The following SEMA3E variants were observed in gnomAD, a reference collection of about 807,000 sequenced individuals.
The protein encoded by SEMA3E is semaphorin-3E.
In SEMA3E, 49 loss-of-function variants were observed where a neutral mutation model predicts 93.6. That is an observed-to-expected ratio of 0.52 (90% CI 0.42 to 0.66). The LOEUF (loss-of-function observed/expected upper bound fraction) is 0.66. SEMA3E is among the 30% of genes least tolerant of loss of function. The pLI, the probability that SEMA3E is intolerant of heterozygous loss-of-function variation, is 0.00. For synonymous variants in SEMA3E, 363 were observed against 330.7 expected, an observed-to-expected ratio of 1.10 and a Z score of -1.06; for missense variants, 906 against 964.8, an observed-to-expected ratio of 0.94 and a Z score of 0.81.
In SEMA3E at chr7:83,363,918, C is replaced by T. The variant is rs1291499357; in HGVS notation, c.*3668G>A. On this transcript the variant is annotated 3_prime_UTR_variant, in exon 17 of 17. Transcript: ENST00000643230. The stretch of plus-strand genomic sequence containing the variant: ...TTTTTTTTTTTTTGAGACGGAGTCT[C>T]GCTCTGTCGCCCAGGCCGGACTGCG... 6.3e-5 allele frequency: 7 copies of T among 110,610 alleles called. No homozygotes were observed. The highest frequency in any genetic ancestry group is 6.2e-4 in the East Asian group (2 of 3,214). The allele number at this position is 110,610 out of a possible 1,614,324, so 6.9% of individuals were successfully genotyped here.
intron 16 of SEMA3E, 64 bp from the exon 17 acceptor site, chr7:83,368,102 C>T: frequency 3.6e-6 from 5 of 1,405,054 alleles, no homozygotes; most frequent in Non-Finnish European, 4.0e-6. Flanking sequence ...ATCCATCACC[C>T]TTTCCACTAC....
chr7:83,430,613 G>A (rs1383450829), intron 4 of SEMA3E, among the ~76,000 whole-genome samples: 3 of 152,152 alleles, frequency 2.0e-5, no homozygotes, highest in Non-Finnish European at 2.9e-5. Flanking sequence ...TCACTCGTAA[G>A]TGGGAGTTGA....
At chr7:83,570,035 G>A (rs1792241078) in intron 1 of SEMA3E, among the ~76,000 whole-genome samples, 1 of 152,040 alleles carries the variant, frequency 6.6e-6, no homozygotes, top group Non-Finnish European at 1.5e-5. Context: ...TTGGACAACA[G>A]TGCAATAAAA....
At chr7:83,422,366 G>A (rs1264892980) in intron 4 of SEMA3E, among the ~76,000 whole-genome samples, 1 of 152,118 alleles carries the variant, frequency 6.6e-6, no homozygotes, top group African/African-American at 2.4e-5. Context: ...CCTGCAGATG[G>A]CAGTTTGCAA....
chr7:83,427,992 T>C (rs766508048), intron 4 of SEMA3E, among the ~76,000 whole-genome samples: 4 of 152,346 alleles, frequency 2.6e-5, no homozygotes, highest in East Asian at 3.9e-4. Context: ...CAATGTGATA[T>C]GGAGAAATTT....
rs1026518615 is a variant in SEMA3E at position 83,364,894 on chromosome 7, A to G, written c.*2692T>C. ...GAAGGGTGAACTCTTAATTCCTCCA[A>G]GTCTTGTAGGTATCTAAGTATGTGC... On this transcript the variant is annotated 3_prime_UTR_variant, in exon 17 of 17. Coordinates refer to ENST00000643230, the MANE Select transcript of SEMA3E (RefSeq NM_012431.3). The G allele has an allele frequency of 1.3e-5, 2 of 152,214 alleles. No homozygotes were observed. The highest frequency in any genetic ancestry group is 4.8e-5 in the African/African-American group (2 of 41,452). The allele number at this position is 152,214 out of a possible 1,614,324, so 9.4% of individuals were successfully genotyped here.
At chr7:83,582,331 T>G (rs1792533180) in intron 1 of SEMA3E, among the ~76,000 whole-genome samples, 1 of 151,622 alleles carries the variant, frequency 6.6e-6, no homozygotes, top group Admixed American at 6.6e-5. Flanking sequence ...TAATTTTTAT[T>G]TTTAAAATAA....
chr7:83,630,907 G>A (rs908370213), intron 1 of SEMA3E, among the ~76,000 whole-genome samples: 1 of 152,072 alleles, frequency 6.6e-6, no homozygotes, highest in Non-Finnish European at 1.5e-5. Context: ...AAAGTCTTTT[G>A]TAAAATTATT....
intron 16 of SEMA3E, chr7:83,372,416 G>A: frequency 2.5e-6 from 1 of 393,352 alleles, no homozygotes; most frequent in Non-Finnish European, 4.5e-6. Flanking sequence ...CCAGCATATA[G>A]CAAGCAGTTT....
At chr7:83,389,265 T>C (rs1787944060) in intron 14 of SEMA3E, among the ~76,000 whole-genome samples, 1 of 152,106 alleles carries the variant, frequency 6.6e-6, no homozygotes, top group Non-Finnish European at 1.5e-5. Context: ...CCTCACTTTG[T>C]TGAGTATTGC....
At chr7:83,590,100 ATT>A (rs1359248205) in intron 1 of SEMA3E, among the ~76,000 whole-genome samples, 3 of 152,080 alleles carry the variant, frequency 2.0e-5, no homozygotes, top group African/African-American at 7.2e-5. Context: ...AGGAAAAACA[ATT>A]TTCTTTTGTT....
rs115606433 is a variant in SEMA3E, at chr7:83,638,700, G to A, written c.115+9728C>T. Among the ~76,000 whole-genome samples the A allele has an allele frequency of 4.8e-3, 729 of 152,168 alleles. 6 individuals are homozygous for A. The highest frequency in any genetic ancestry group is 0.015 in the African/African-American group (625 of 41,512). On this transcript the variant is annotated intron_variant, in intron 1 of 16. Coordinates refer to ENST00000643230, the MANE Select transcript of SEMA3E (RefSeq NM_012431.3). ...AACCTAGGGGATGAAGCTAAAGGAG[G>A]AATAAATGAAAAAGGTAATATGAGC...
chr7:83,563,734 G>A (rs1293525766), intron 1 of SEMA3E, among the ~76,000 whole-genome samples: 2 of 152,050 alleles, frequency 1.3e-5, no homozygotes, highest in Non-Finnish European at 2.9e-5. Flanking sequence ...TAAATATTGA[G>A]TCATATGAAA....
intron 1 of SEMA3E, among the ~76,000 whole-genome samples, chr7:83,590,533 A>G (rs1458897812): frequency 1.3e-5 from 2 of 152,192 alleles, no homozygotes; most frequent in African/African-American, 4.8e-5. Flanking sequence ...AATATTGATC[A>G]TTTAAAGCAA....
At chr7:83,521,024 T>G (rs1462359649) in intron 1 of SEMA3E, among the ~76,000 whole-genome samples, 1 of 151,738 alleles carries the variant, frequency 6.6e-6, no homozygotes, top group Non-Finnish European at 1.5e-5. Flanking sequence ...GTAAATAGAT[T>G]GTTTTCATTG....
chr7:83,513,620 G>A (rs1790869875), intron 1 of SEMA3E, among the ~76,000 whole-genome samples: 1 of 152,090 alleles, frequency 6.6e-6, no homozygotes, highest in African/African-American at 2.4e-5. Context: ...TTATCACTGG[G>A]TCTTCTTGAA....
At chr7:83,620,058 T>C (rs1793519144) in intron 1 of SEMA3E, among the ~76,000 whole-genome samples, 1 of 151,944 alleles carries the variant, frequency 6.6e-6, no homozygotes, top group Non-Finnish European at 1.5e-5. Flanking sequence ...CTATTCTTTA[T>C]TTAATAAGTC....
In SEMA3E at chr7:83,596,590, A is replaced by G. The variant is rs74982757; in HGVS notation, c.115+51838T>C. Reference sequence around the variant, plus strand: ...CATATATGAAAAATTCATAAAAATAATCTAGGAATCCTGGCTCTCCACCCT... The same window carrying G: ...CATATATGAAAAATTCATAAAAATAGTCTAGGAATCCTGGCTCTCCACCCT... On this transcript the variant is annotated intron_variant, in intron 1 of 16. Coordinates refer to ENST00000643230, the MANE Select transcript of SEMA3E (RefSeq NM_012431.3). Among the ~76,000 whole-genome samples, 1,158 of 152,210 alleles carry G rather than the reference A, an allele frequency of 7.6e-3. 10 individuals carry two copies. Among genetic ancestry groups the G allele is most frequent in the African/African-American group, 0.027 (1,112 of 41,542 alleles).
At position 83,596,268 on chromosome 7, in the gene SEMA3E, T is replaced by A. The variant is rs562917433; in HGVS notation, c.115+52160A>T. Among the ~76,000 whole-genome samples the A allele has an allele frequency of 2.6e-5, 4 of 152,116 alleles. No homozygotes were observed. In the South Asian group the frequency reaches 8.3e-4, roughly 32 times the overall value. On this transcript the variant is annotated intron_variant, in intron 1 of 16. Coordinates refer to ENST00000643230, the MANE Select transcript of SEMA3E (RefSeq NM_012431.3). ...CATCCATCTTTTCTTTTCTGTCTTTTTCCTTCTTTTTGAGCACATTAATGC... is the reference window on the plus strand; with the variant it reads ...CATCCATCTTTTCTTTTCTGTCTTTATCCTTCTTTTTGAGCACATTAATGC...
Sources: allele counts gnomAD v4.1 joint callset (sites outside exome capture counted in the v4.1 genomes callset), GRCh38; gene constraint gnomAD v4.1.1; transcripts MANE v1.5; gene names NCBI Gene and HGNC (gene_info 2026-07-23, HGNC 2026-07-21).